The following WNT2B variants were observed in gnomAD, a reference collection of about 807,000 sequenced individuals.
WNT2B encodes the protein protein Wnt-2b.
WNT2B carries 19 observed loss-of-function variants against 40.5 expected under a neutral mutation model. That is an observed-to-expected ratio of 0.47 (90% CI 0.33 to 0.69). The LOEUF is 0.69. WNT2B is among the 30% of genes least tolerant of loss of function. The probability of loss-of-function intolerance (pLI) is 0.02; values close to 1 mark genes in which losing one functional copy is unlikely to be tolerated. For missense variants in WNT2B, 467 were observed against 556.4 expected (o/e 0.84, Z 1.62); for synonymous variants, 220 against 211.9 (o/e 1.04, Z -0.33).
At position 112,517,178 on chromosome 1, in the gene WNT2B, A is replaced by G; in HGVS notation, c.739A>G (p.Thr247Ala). ...GTGCCATGGCGTGAGTGGTTCCTGT[A>G]CTCTGCGCACCTGCTGGCGTGCACT... ...CKCHGVSGSC[T>A]LRTCWRALSD... is the part of the protein sequence containing the mutation. The change falls in exon 4 of 5, where the codon ACT (threonine) becomes GCT (alanine). Residue 247 changes from threonine (T) to alanine (A), a missense_variant. Physicochemically the swap from Thr to Ala is moderately conservative, Grantham distance 58 (BLOSUM62 0). Coordinates refer to ENST00000369684, the MANE Select transcript of WNT2B (RefSeq NM_024494.3). 1.9e-6 allele frequency: 3 copies of G among 1,613,980 alleles called. No individual in the cohort carries two copies. The highest frequency in any genetic ancestry group is 2.5e-6 in the Non-Finnish European group (3 of 1,179,990).
intron 1 of WNT2B, among the ~76,000 whole-genome samples, chr1:112,480,292 G>C (rs1282368182): frequency 1.3e-5 from 2 of 150,280 alleles, no homozygotes; most frequent in Non-Finnish European, 3.0e-5. Flanking sequence ...ACGTGAACTT[G>C]GGAGGTGGAA....
At chr1:112,480,433 C>CTATTA (rs781292507) in intron 1 of WNT2B, among the ~76,000 whole-genome samples, 37 of 149,940 alleles carry the variant, frequency 2.5e-4, no homozygotes, top group Middle Eastern at 3.5e-3. Context: ...GTATAAAGGA[C>CTATTA]TATTATGAAC....
chr1:112,495,995 C>T (rs2101068887), intron 1 of WNT2B, among the ~76,000 whole-genome samples: 1 of 152,248 alleles, frequency 6.6e-6, no homozygotes, highest in African/African-American at 2.4e-5. Flanking sequence ...GCATCTAATC[C>T]CATTCAGGAG....
Position 112,521,403 on chromosome 1 carries a change from AAGAT to A in WNT2B, c.*897_*900del, listed in dbSNP as rs897912358. ...GTTTGGGGAGACATGGAGTAAAAGAAAGATAGGCAACTCATGGATGGTGGGAGAG... is the reference window on the plus strand; with the variant it reads ...GTTTGGGGAGACATGGAGTAAAAGAAAGGCAACTCATGGATGGTGGGAGAG... On this transcript the variant is annotated 3_prime_UTR_variant, in exon 5 of 5. Transcript: ENST00000369684. The A allele has an allele frequency of 3.4e-4, 52 of 151,974 alleles. No individual in the cohort carries two copies. The highest frequency in any genetic ancestry group is 1.3e-3 in the African/African-American group (52 of 41,374). The allele number at this position is 151,974 out of a possible 1,614,324, so 9.4% of individuals were successfully genotyped here.
intron 1 of WNT2B, among the ~76,000 whole-genome samples, chr1:112,493,371 C>A (rs1457701617): frequency 2.0e-5 from 3 of 152,088 alleles, no homozygotes; most frequent in Non-Finnish European, 2.9e-5. Flanking sequence ...ACCTGTAATC[C>A]CAGCACTTCA....
At position 112,522,378 on chromosome 1, in the gene WNT2B, T is replaced by C. The variant is rs1009319005; in HGVS notation, c.*1869T>C. 1 of 152,292 alleles carries C rather than the reference T, an allele frequency of 6.6e-6. No individual in the cohort carries two copies. The allele number at this position is 152,292 out of a possible 1,614,324, so 9.4% of individuals were successfully genotyped here. A position where few individuals can be genotyped will look rare whatever the true frequency, so the allele number is the denominator to read the frequency against. Reference sequence around the variant, plus strand: ...GCACCAAACTCCAGCCCGCAGATCCTCTTCACCAAAGCCCCTGGCTGGTCT... The same window carrying C: ...GCACCAAACTCCAGCCCGCAGATCCCCTTCACCAAAGCCCCTGGCTGGTCT... On this transcript the variant is annotated 3_prime_UTR_variant, in exon 5 of 5. Coordinates refer to ENST00000369684, the MANE Select transcript of WNT2B (RefSeq NM_024494.3).
chr1:112,523,708 T>A lies in WNT2B; in HGVS notation c.*3199T>A, dbSNP rs1653008418. On this transcript the variant is annotated 3_prime_UTR_variant, in exon 5 of 5. Transcript: ENST00000369684. ...CCTGTTGGTACTCATTTCTTCTAACTTTTAATAAACATTTAGGTATAATAC... is the reference window on the plus strand; with the variant it reads ...CCTGTTGGTACTCATTTCTTCTAACATTTAATAAACATTTAGGTATAATAC... The A allele has an allele frequency of 1.3e-5, 2 of 152,192 alleles. No individual in the cohort carries two copies. The highest frequency in any genetic ancestry group is 1.5e-5 in the Non-Finnish European group (1 of 68,044). 9.4% of individuals were successfully genotyped at this position (152,192 alleles called of 1,614,324 possible).
intron 4 of WNT2B, chr1:112,518,496 C>T (rs1196276874): frequency 6.6e-6 from 1 of 152,200 alleles, no homozygotes; most frequent in Non-Finnish European, 1.5e-5. Flanking sequence ...AGAAAGTAGT[C>T]TGTATACTTT....
intron 1 of WNT2B, among the ~76,000 whole-genome samples, chr1:112,500,599 G>A (rs1006512147): frequency 1.3e-5 from 2 of 150,770 alleles, no homozygotes; most frequent in South Asian, 2.1e-4. Context: ...GTGAGACCCC[G>A]TCACTAAAAA....
At chr1:112,517,071 A>T in intron 3 of WNT2B, 50 bp from the exon 4 acceptor site, 2 of 1,578,734 alleles carry the variant, frequency 1.3e-6, no homozygotes. Context: ...GATGACTAAA[A>T]TGTGTCCTGA....
rs573740008 is a variant in WNT2B at position 112,524,066 on chromosome 1, C to T, written c.*3557C>T. 9.9e-5 allele frequency: 15 copies of T among 152,254 alleles called. No individual in the cohort carries two copies. The highest frequency in any genetic ancestry group is 3.6e-4 in the African/African-American group (15 of 41,498). 9.4% of individuals were successfully genotyped at this position (152,254 alleles called of 1,614,324 possible). On this transcript the variant is annotated 3_prime_UTR_variant, in exon 5 of 5. Coordinates refer to ENST00000369684, the MANE Select transcript of WNT2B (RefSeq NM_024494.3). ...TGGCCCTGAGGGTCTGTTTGCAAAACTTCTTGTAGATCTAATTTCTGAACA... is the reference window on the plus strand; with the variant it reads ...TGGCCCTGAGGGTCTGTTTGCAAAATTTCTTGTAGATCTAATTTCTGAACA...
chr1:112,483,122 G>C (rs1651279780), intron 1 of WNT2B, among the ~76,000 whole-genome samples: 1 of 151,838 alleles, frequency 6.6e-6, no homozygotes, highest in African/African-American at 2.4e-5. Flanking sequence ...GTTTGAGGCT[G>C]CAGTGTGCTA....
intron 1 of WNT2B, among the ~76,000 whole-genome samples, chr1:112,473,085 A>AAGAAAGAC (rs1370465981): frequency 6.8e-6 from 1 of 147,868 alleles, no homozygotes; most frequent in Non-Finnish European, 1.5e-5. Context: ...GAAAGAAAGA[A>AAGAAAGAC]ACACGGAAGG....
At chr1:112,472,976 GAGAA>G (rs1487887017) in intron 1 of WNT2B, among the ~76,000 whole-genome samples, 1 of 127,894 alleles carries the variant, frequency 7.8e-6, no homozygotes, top group East Asian at 2.7e-4. Flanking sequence ...AGGAGAGAAA[GAGAA>G]AGAGAGAGGG....
chr1:112,511,463 T>C (rs1001402793), intron 1 of WNT2B, among the ~76,000 whole-genome samples: 3 of 152,214 alleles, frequency 2.0e-5, no homozygotes, highest in Non-Finnish European at 4.4e-5. Flanking sequence ...CCCCCAAGCC[T>C]TTCTCTTAGG....
At chr1:112,496,021 A>G (rs138257277) in intron 1 of WNT2B, among the ~76,000 whole-genome samples, 2 of 152,342 alleles carry the variant, frequency 1.3e-5, no homozygotes, top group Non-Finnish European at 2.9e-5. Context: ...CACCCTCATA[A>G]CTTAATTACT....
At position 112,523,525 on chromosome 1, in the gene WNT2B, C is replaced by T. The variant is rs2101111227; in HGVS notation, c.*3016C>T. On this transcript the variant is annotated 3_prime_UTR_variant, in exon 5 of 5. Coordinates refer to ENST00000369684, the MANE Select transcript of WNT2B (RefSeq NM_024494.3). ...CAAATAGACACTAATTTATTTGGAA[C>T]AAGCAGCAAAATGAGAACTTTATTT... is the stretch of plus-strand genomic sequence containing the variant. 1 of 152,268 alleles carries T rather than the reference C, an allele frequency of 6.6e-6. No individual in the cohort carries two copies. The highest frequency in any genetic ancestry group is 6.5e-5 in the Admixed American group (1 of 15,300). 9.4% of individuals were successfully genotyped at this position (152,268 alleles called of 1,614,324 possible).
At chr1:112,493,063 G>A (rs192514762) in intron 1 of WNT2B, among the ~76,000 whole-genome samples, 1 of 151,836 alleles carries the variant, frequency 6.6e-6, no homozygotes, top group Non-Finnish European at 1.5e-5. Context: ...ACCAGACTCA[G>A]ATATGGCAGG....
At chr1:112,474,966 C>T (rs964245178) in intron 1 of WNT2B, among the ~76,000 whole-genome samples, 2 of 152,146 alleles carry the variant, frequency 1.3e-5, no homozygotes, top group African/African-American at 2.4e-5. Context: ...CACTTTCCAC[C>T]ATAATTGTTA....
Sources: allele counts gnomAD v4.1 joint callset (sites outside exome capture counted in the v4.1 genomes callset), GRCh38; gene constraint gnomAD v4.1.1; transcripts MANE v1.5; gene names NCBI Gene and HGNC (gene_info 2026-07-23, HGNC 2026-07-21).